RFX6: variants seen among roughly 807,000 people sequenced by gnomAD.
RFX6 encodes DNA-binding protein RFX6.
A neutral mutation model predicts 110.8 loss-of-function variants in RFX6; 50 were observed. The ratio of observed to expected loss-of-function variants is 0.45; its 90% CI spans 0.36 to 0.57. The LOEUF is 0.57. RFX6 is among the 20% of genes least tolerant of loss of function. RFX6 has a pLI of 0.00. For synonymous variants in RFX6, 383 were observed against 411.2 expected (o/e 0.93, Z 0.83); for missense variants, 990 against 1,127.0 (o/e 0.88, Z 1.74).
chr6:116,907,378 A>C lies in RFX6; in HGVS notation c.673-3557A>C, dbSNP rs1775228955. ...CAGGGCAATATTGGCCTCATAGAAT[A>C]AGTTACAAAGTACTCCTTCCTCTTC... On this transcript the variant is annotated intron_variant, in intron 6 of 18. Coordinates refer to ENST00000332958, the MANE Select transcript of RFX6 (RefSeq NM_173560.4). Among the ~76,000 whole-genome samples the C allele has an allele frequency of 2.0e-5, 3 of 152,204 alleles. No homozygotes were observed. The South Asian group carries it at 6.2e-4, about 32-fold the overall frequency.
chr6:116,924,599 C>G, intron 14 of RFX6, 70 bp from the exon 15 acceptor site: 2 of 1,378,746 alleles, frequency 1.5e-6, no homozygotes, highest in Non-Finnish European at 2.1e-6. Flanking sequence ...TTCTCTTTCC[C>G]TTTCCTTCTC....
At chr6:116,930,333 GA>G (rs1775856420) in intron 18 of RFX6, among the ~76,000 whole-genome samples, 1 of 151,308 alleles carries the variant, frequency 6.6e-6, no homozygotes, top group Non-Finnish European at 1.5e-5. Context: ...ATATATGAGA[GA>G]AATACAGGGC....
At chr6:116,878,008 G>A in intron 2 of RFX6, 56 bp downstream of exon 2, 2 of 1,526,122 alleles carry the variant, frequency 1.3e-6, no homozygotes, top group South Asian at 1.1e-5. Flanking sequence ...AACAGCCAGC[G>A]TCTTCAGGAT....
rs759834588 is a variant in RFX6 at position 116,923,057 on chromosome 6, A to G, written c.1438-50A>G. On this transcript the variant is annotated intron_variant, in intron 13 of 18. Transcript: ENST00000332958. Reference sequence around the variant, plus strand: ...TCTTGATCTAACACAGGATGCATGTAGTACTGAGAGGACGGATTTTATAGT... The same window carrying G: ...TCTTGATCTAACACAGGATGCATGTGGTACTGAGAGGACGGATTTTATAGT... The G allele has an allele frequency of 4.9e-5, 44 of 891,592 alleles. 1 individual carries two copies. Among genetic ancestry groups the G allele is most frequent in the Non-Finnish European group, 6.7e-5 (35 of 520,476 alleles). 55.2% of individuals were successfully genotyped at this position (891,592 alleles called of 1,614,324 possible). A position where few individuals can be genotyped will look rare whatever the true frequency, so the allele number is the denominator to read the frequency against.
At position 116,894,005 on chromosome 6, in the gene RFX6, T is replaced by C. The variant is rs201801978; in HGVS notation, c.585T>C (p.Ile195=). The C allele has an allele frequency of 5.6e-6, 9 of 1,599,684 alleles. No homozygotes were observed. In the East Asian group the frequency reaches 2.0e-4, roughly 36 times the overall value. The change falls in exon 5 of 19, where the codon ATT becomes ATC. Residue 195 remains isoleucine (I), a synonymous_variant. Coordinates refer to ENST00000332958, the MANE Select transcript of RFX6 (RefSeq NM_173560.4). ...GCTCTAGGTATCATTACTATGGGAT[T>C]GGCATCAAAGAGAGCAGTGCATATT... is the stretch of plus-strand genomic sequence containing the variant. ...RGHSKYHYYG[I]GIKESSAYYH... is the part of the protein sequence containing the mutation.
chr6:116,922,997 TG>T, intron 13 of RFX6, 109 bp from the exon 14 acceptor site: 1 of 760,362 alleles, frequency 1.3e-6, no homozygotes, highest in South Asian at 1.4e-5. Context: ...ATAAATGCCA[TG>T]CCATCTGTCC....
chr6:116,891,924 T>C (rs1403671019), intron 4 of RFX6, among the ~76,000 whole-genome samples: 1 of 152,160 alleles, frequency 6.6e-6, no homozygotes, highest in Non-Finnish European at 1.5e-5. Flanking sequence ...GTTCTTTTTT[T>C]AATCTACCAT....
intron 9 of RFX6, among the ~76,000 whole-genome samples, chr6:116,917,183 T>C (rs1775485349): frequency 6.6e-6 from 1 of 152,038 alleles, no homozygotes; most frequent in Admixed American, 6.6e-5. Flanking sequence ...CAAGAAGTAA[T>C]GAGACAACTT....
chr6:116,931,293 A>T, intron 18 of RFX6, 38 bp from the exon 19 acceptor site: 1 of 1,498,478 alleles, frequency 6.7e-7, no homozygotes, highest in Non-Finnish European at 9.3e-7. Flanking sequence ...AGAAAATGTC[A>T]ATCAATTTTC....
chr6:116,928,174 G>T (rs945541446), intron 17 of RFX6, among the ~76,000 whole-genome samples: 3 of 151,976 alleles, frequency 2.0e-5, no homozygotes, highest in African/African-American at 4.8e-5. Flanking sequence ...ATTTTTAGTG[G>T]ATAATATTTC....
In RFX6 at chr6:116,925,607, C is replaced by G. The variant is rs1343965177; in HGVS notation, c.1833C>G (p.Gly611=). ...CATCCAGTCAACCTGGAGGCCTAGG[C>G]CCTGCTCTGCACCAGTTCCCTGCTG... is the stretch of plus-strand genomic sequence containing the variant. ...PLPSSQPGGL[G]PALHQFPAGN... Residue 611 remains glycine, a synonymous_variant, in exon 16 of 19, where the codon GGC becomes GGG. Coordinates refer to ENST00000332958, the MANE Select transcript of RFX6 (RefSeq NM_173560.4). 2 of 1,613,914 alleles carry G rather than the reference C, an allele frequency of 1.2e-6. No individual in the cohort carries two copies. Among genetic ancestry groups the G allele is most frequent in the African/African-American group, 1.3e-5 (1 of 74,926 alleles).
chr6:116,927,736 C>T (rs1775778039), intron 17 of RFX6, among the ~76,000 whole-genome samples, 197 bp downstream of exon 17: 3 of 135,902 alleles, frequency 2.2e-5, no homozygotes, highest in African/African-American at 8.6e-5. Flanking sequence ...TAAAGTTGCC[C>T]TTCTTCCTTT....
chr6:116,894,160 G>A (rs926532545), intron 5 of RFX6, 96 bp downstream of exon 5: 6 of 796,742 alleles, frequency 7.5e-6, no homozygotes, highest in Non-Finnish European at 1.1e-5. Flanking sequence ...TGCTTATCAA[G>A]ATGTTTCCAT....
At chr6:116,931,281 A>C in intron 18 of RFX6, 50 bp from the exon 19 acceptor site, 1 of 1,391,250 alleles carries the variant, frequency 7.2e-7, no homozygotes, top group Non-Finnish European at 1.0e-6. Context: ...TTTGCAGAGA[A>C]AAGAAAATGT....
At chr6:116,902,923 AGTCAT>A (rs1311487706) in intron 6 of RFX6, among the ~76,000 whole-genome samples, 2 of 152,024 alleles carry the variant, frequency 1.3e-5, no homozygotes, top group East Asian at 3.8e-4. Context: ...CTTGCCTTCT[AGTCAT>A]ATTTGTTTCT....
intron 14 of RFX6, among the ~76,000 whole-genome samples, chr6:116,924,064 A>G (rs13216434): frequency 0.085 from 12,915 of 152,302 alleles, 700 homozygotes; most frequent in Non-Finnish European, 0.13. Context: ...AGTTTTATAA[A>G]ATATACAGCA....
Position 116,889,222 on chromosome 6 carries a change from T to C in RFX6, c.567-4765T>C, listed in dbSNP as rs150242783. Among the ~76,000 whole-genome samples the C allele has an allele frequency of 1.8e-4, 27 of 152,244 alleles. No homozygotes were observed. In the East Asian group the frequency reaches 4.4e-3, roughly 25 times the overall value. On this transcript the variant is annotated intron_variant, in intron 4 of 18. Transcript: ENST00000332958. ...TTTTACTGATGACCTGGAAATGCAATGTCAGAAGGTGGTTATTGAAAACTA... is the reference window on the plus strand; with the variant it reads ...TTTTACTGATGACCTGGAAATGCAACGTCAGAAGGTGGTTATTGAAAACTA...
chr6:116,895,151 A>T (rs1365706730), intron 5 of RFX6, 29 bp from the exon 6 acceptor site: 1 of 1,335,030 alleles, frequency 7.5e-7, no homozygotes, highest in Non-Finnish European at 1.1e-6. Flanking sequence ...TTTTGTTTGA[A>T]CTAATGGAAA....
intron 4 of RFX6, among the ~76,000 whole-genome samples, chr6:116,888,727 T>C (rs1774754686): frequency 6.6e-6 from 1 of 152,168 alleles, no homozygotes; most frequent in Admixed American, 6.5e-5. Context: ...TTATTTAACA[T>C]ACACCAGCAT....
Sources: gnomAD v4.1 joint callset for allele counts (sites outside exome capture counted in the v4.1 genomes callset) on GRCh38, gnomAD v4.1.1 for gene constraint, MANE v1.5 for transcripts, NCBI Gene and HGNC (gene_info 2026-07-23, HGNC 2026-07-21) for gene names.